Variants in FRK observed in about 807,000 individuals in gnomAD.
FRK encodes the protein fyn related Src family tyrosine kinase.
FRK carries 51 observed loss-of-function variants against 56.4 expected under a neutral mutation model. That is an observed-to-expected ratio of 0.90 (90% CI 0.72 to 1.14). FRK has a LOEUF of 1.14. FRK is among the 50% of genes most tolerant of loss of function. FRK has a pLI of 0.00. For synonymous variants in FRK, 245 were observed against 217.9 expected (o/e 1.12, Z -1.10); for missense variants, 570 against 601.4 (o/e 0.95, Z 0.55).
intron 1 of FRK, among the ~76,000 whole-genome samples, chr6:116,008,847 T>A (rs1306480689): frequency 6.6e-6 from 1 of 152,164 alleles, no homozygotes; most frequent in African/African-American, 2.4e-5. Flanking sequence ...AAGAGAGTCA[T>A]ACGGATCAGT....
At chr6:115,990,564 T>C (rs1774560862) in intron 2 of FRK, among the ~76,000 whole-genome samples, 1 of 151,944 alleles carries the variant, frequency 6.6e-6, no homozygotes, top group Non-Finnish European at 1.5e-5. Flanking sequence ...TCAACTTTTG[T>C]TGAAGATCAG....
At chr6:116,010,018 G>A (rs1481276075) in intron 1 of FRK, among the ~76,000 whole-genome samples, 2 of 152,100 alleles carry the variant, frequency 1.3e-5, no homozygotes, top group Non-Finnish European at 2.9e-5. Flanking sequence ...ACAAGGTCAG[G>A]AGATCAAGAC....
At chr6:116,008,169 C>T (rs570488487) in intron 1 of FRK, among the ~76,000 whole-genome samples, 2 of 152,244 alleles carry the variant, frequency 1.3e-5, no homozygotes, top group Admixed American at 1.3e-4. Context: ...TGTGTTTCCT[C>T]TGTCCAATAT....
chr6:116,013,968 C>A (rs11153593), intron 1 of FRK, among the ~76,000 whole-genome samples: 58,975 of 151,898 alleles, frequency 0.39, 11,822 homozygotes, highest in Middle Eastern at 0.5. Context: ...TTTATGACTG[C>A]TATAGCACAC....
intron 5 of FRK, among the ~76,000 whole-genome samples, chr6:115,951,993 G>A (rs1562252623): frequency 6.6e-6 from 1 of 152,130 alleles, no homozygotes; most frequent in African/African-American, 2.4e-5. Flanking sequence ...TTTGAGAAGT[G>A]TCTGTTCATG....
intron 1 of FRK, among the ~76,000 whole-genome samples, chr6:116,016,679 T>C (rs1291653187): frequency 6.6e-6 from 1 of 152,174 alleles, no homozygotes; most frequent in Non-Finnish European, 1.5e-5. Flanking sequence ...TGAGACCTGG[T>C]CTGCTACAGG....
intron 2 of FRK, among the ~76,000 whole-genome samples, chr6:115,968,972 T>C (rs1475016053): frequency 6.6e-6 from 1 of 152,126 alleles, no homozygotes; most frequent in African/African-American, 2.4e-5. Flanking sequence ...GGGGTGAGGC[T>C]AGCACTAAAA....
intron 1 of FRK, among the ~76,000 whole-genome samples, chr6:116,018,409 G>A (rs906248123): frequency 6.6e-6 from 1 of 152,158 alleles, no homozygotes. Context: ...CATAGCAGAT[G>A]GTAGCAACAG....
chr6:115,945,960 T>A (rs748509839), intron 5 of FRK, among the ~76,000 whole-genome samples: 27 of 152,126 alleles, frequency 1.8e-4, no homozygotes, highest in Non-Finnish European at 3.5e-4. Context: ...TGTATTTGAC[T>A]TACCTATTTT....
chr6:116,002,434 T>C (rs1208144856), intron 2 of FRK, among the ~76,000 whole-genome samples: 1 of 152,088 alleles, frequency 6.6e-6, no homozygotes, highest in African/African-American at 2.4e-5. Flanking sequence ...CTGGCCAACA[T>C]GGTGAAATCC....
rs1582619556 is a variant in FRK at position 115,932,081 on chromosome 6, G to C, written c.*10333C>G. ...GAAATAATTGGGCATCTCTTTTCTTGTAATTTAATCTTATAACATCTCTGT... is the reference window on the plus strand; with the variant it reads ...GAAATAATTGGGCATCTCTTTTCTTCTAATTTAATCTTATAACATCTCTGT... On this transcript the variant is annotated 3_prime_UTR_variant, in exon 8 of 8. Transcript: ENST00000606080. 6.6e-6 allele frequency: 1 copy of C among 152,166 alleles called. No individual in the cohort carries two copies. The highest frequency in any genetic ancestry group is 1.5e-5 in the Non-Finnish European group (1 of 68,018). The allele number at this position is 152,166 out of a possible 1,614,324, so 9.4% of individuals were successfully genotyped here.
upstream of FRK, among the ~76,000 whole-genome samples, chr6:116,062,291 A>G (rs1388112621): frequency 6.6e-6 from 1 of 152,100 alleles, no homozygotes; most frequent in African/African-American, 2.4e-5. Flanking sequence ...AATAGACTGT[A>G]TATGTAATTT....
chr6:116,096,096 A>G, the FRK span, among the ~76,000 whole-genome samples: 1 of 152,094 alleles, frequency 6.6e-6, no homozygotes, highest in Non-Finnish European at 1.5e-5. Flanking sequence ...CAAGCTACAG[A>G]TGGTCTTACA....
chr6:116,020,721 G>A (rs1775845695), intron 1 of FRK, among the ~76,000 whole-genome samples: 1 of 152,034 alleles, frequency 6.6e-6, no homozygotes, highest in African/African-American at 2.4e-5. Context: ...TTTGTAAACA[G>A]TAAATCGCAA....
At chr6:116,032,087 T>C (rs1776320859) in intron 1 of FRK, among the ~76,000 whole-genome samples, 1 of 152,074 alleles carries the variant, frequency 6.6e-6, no homozygotes, top group African/African-American at 2.4e-5. Flanking sequence ...CATTGTATTC[T>C]AAGGCCTACA....
chr6:115,936,026 A>C lies in FRK; in HGVS notation c.*6388T>G, dbSNP rs1254479022. On this transcript the variant is annotated 3_prime_UTR_variant, in exon 8 of 8. Coordinates refer to ENST00000606080, the MANE Select transcript of FRK (RefSeq NM_002031.3). ...GACTGCCTCCTCAAGTGGGTCCCTG[A>C]CCCTCGTTTATCCTGATTGGGAGAT... 1 of 152,972 alleles carries C rather than the reference A, an allele frequency of 6.5e-6. No homozygotes were observed. Among genetic ancestry groups the C allele is most frequent in the Non-Finnish European group, 1.5e-5 (1 of 68,784 alleles). 9.5% of individuals were successfully genotyped at this position (152,972 alleles called of 1,614,324 possible).
chr6:116,003,378 TA>T (rs1172006560), intron 2 of FRK, among the ~76,000 whole-genome samples: 1 of 152,232 alleles, frequency 6.6e-6, no homozygotes, highest in East Asian at 1.9e-4. Flanking sequence ...TGGGGCAGTG[TA>T]AACACGTACT....
intron 5 of FRK, among the ~76,000 whole-genome samples, chr6:115,952,598 T>C (rs1422820903): frequency 1.3e-5 from 2 of 151,756 alleles, no homozygotes; most frequent in East Asian, 3.9e-4. Context: ...CTATAAATCA[T>C]GCTGCTATAA....
chr6:116,076,922 T>C, the FRK span, among the ~76,000 whole-genome samples: 3 of 152,224 alleles, frequency 2.0e-5, no homozygotes, highest in African/African-American at 4.8e-5. Flanking sequence ...GATAACGTTA[T>C]AGATTATTTT....
Sources: allele counts gnomAD v4.1 joint callset (sites outside exome capture counted in the v4.1 genomes callset), GRCh38; gene constraint gnomAD v4.1.1; transcripts MANE v1.5; gene names NCBI Gene and HGNC (gene_info 2026-07-23, HGNC 2026-07-21).